SCAF8: variants seen among roughly 807,000 people sequenced by gnomAD.
SCAF8 encodes the protein SR-related CTD associated factor 8.
Under a neutral mutation model 140.5 loss-of-function variants are expected in SCAF8, and 23 were observed. The observed-to-expected ratio is 0.16, with a 90% CI of 0.12 to 0.23. The LOEUF (loss-of-function observed/expected upper bound fraction) is 0.23. Among genes scored for constraint, SCAF8 ranks in the 10% least tolerant of loss-of-function variants. SCAF8 has a pLI of 1.00. For missense variants in SCAF8, 1,397 were observed against 1,555.7 expected, an observed-to-expected ratio of 0.90 and a Z score of 1.72; for synonymous variants, 575 against 528.9, an observed-to-expected ratio of 1.09 and a Z score of -1.20.
chr6:154,826,192 A>G (rs1778562790), intron 17 of SCAF8, among the ~76,000 whole-genome samples: 1 of 152,110 alleles, frequency 6.6e-6, no homozygotes, highest in Non-Finnish European at 1.5e-5. Flanking sequence ...TAAATATTGA[A>G]AAGTTTAATT....
intron 4 of SCAF8, among the ~76,000 whole-genome samples, chr6:154,788,809 A>G (rs1777327540): frequency 6.6e-6 from 1 of 152,226 alleles, no homozygotes; most frequent in Non-Finnish European, 1.5e-5. Context: ...ATGAGCGAGC[A>G]TAAAAAGGAG....
intron 3 of SCAF8, among the ~76,000 whole-genome samples, chr6:154,778,620 C>G (rs921729250): frequency 1.3e-5 from 2 of 152,004 alleles, no homozygotes; most frequent in Non-Finnish European, 2.9e-5. Flanking sequence ...CAAAAATTAG[C>G]TGACCTGGTA....
At chr6:154,760,948 T>A (rs527891651) in intron 1 of SCAF8, among the ~76,000 whole-genome samples, 2 of 152,036 alleles carry the variant, frequency 1.3e-5, no homozygotes, top group South Asian at 4.2e-4. Context: ...CATGTCCCAT[T>A]GATTTTTTTC....
At position 154,734,218 on chromosome 6, in the gene SCAF8, C is replaced by T. The variant is rs1035199946; in HGVS notation, c.30+288C>T. 2.6e-5 allele frequency among the ~76,000 whole-genome samples: 4 copies of T among 152,156 alleles called. No homozygotes were observed. In the South Asian group the frequency reaches 6.2e-4, roughly 24 times the overall value. On this transcript the variant is annotated intron_variant, in intron 1 of 19. Coordinates refer to ENST00000367178, the MANE Select transcript of SCAF8 (RefSeq NM_014892.5). ...GGGAAAGACCCGGTTGGGCCCTCAC[C>T]CGGAGACTCCCGACAGGTCCCTCGA...
chr6:154,804,701 C>CT (rs1491123695), intron 8 of SCAF8, among the ~76,000 whole-genome samples: 1 of 152,124 alleles, frequency 6.6e-6, no homozygotes, highest in Non-Finnish European at 1.5e-5. Flanking sequence ...ATGAAGTACA[C>CT]TTTTTTCCAA....
chr6:154,784,120 G>GATAGATAT (rs1554260629), intron 3 of SCAF8, among the ~76,000 whole-genome samples: 2 of 106,830 alleles, frequency 1.9e-5, no homozygotes, highest in African/African-American at 6.4e-5. Context: ...GGTGTCTTGA[G>GATAGATAT]ATATATATAT....
At chr6:154,748,372 T>C (rs534260914) in intron 1 of SCAF8, among the ~76,000 whole-genome samples, 5 of 152,312 alleles carry the variant, frequency 3.3e-5, no homozygotes, top group African/African-American at 9.6e-5. Context: ...CTTATGTGGT[T>C]TTCTTAAAAT....
intron 13 of SCAF8, among the ~76,000 whole-genome samples, chr6:154,817,106 C>T (rs941218809): frequency 1.3e-5 from 2 of 151,428 alleles, no homozygotes; most frequent in African/African-American, 4.9e-5. Flanking sequence ...AAGTTTCTTT[C>T]TGATTTACCC....
At chr6:154,824,482 C>T (rs573560432) in intron 17 of SCAF8, 104 bp downstream of exon 17, 35 of 1,024,954 alleles carry the variant, frequency 3.4e-5, no homozygotes, top group Middle Eastern at 2.2e-4. Flanking sequence ...GAGACCTTAG[C>T]ATGCATAGCC....
intron 4 of SCAF8, among the ~76,000 whole-genome samples, chr6:154,791,629 A>G (rs1777421904): frequency 7.8e-6 from 1 of 128,376 alleles, no homozygotes; most frequent in African/African-American, 2.9e-5. Flanking sequence ...TGAGGATGCT[A>G]AAGTTTTTTT....
intron 1 of SCAF8, among the ~76,000 whole-genome samples, chr6:154,759,493 C>T (rs990331670): frequency 1.3e-5 from 2 of 151,998 alleles, no homozygotes; most frequent in Admixed American, 6.6e-5. Flanking sequence ...GCATATCCTG[C>T]TTAATAATAC....
At chr6:154,831,172 G>T in intron 19 of SCAF8, 32 bp downstream of exon 19, 4 of 1,366,750 alleles carry the variant, frequency 2.9e-6, no homozygotes, top group Non-Finnish European at 4.0e-6. Context: ...TAAAAAAAGA[G>T]GTTGCCTCTC....
At chr6:154,777,935 T>A (rs1776963837) in intron 2 of SCAF8, 66 bp from the exon 3 acceptor site, 1 of 967,706 alleles carries the variant, frequency 1.0e-6, no homozygotes, top group Admixed American at 2.0e-5. Context: ...AAACCTATGG[T>A]TAGCAGGAAA....
chr6:154,801,965 C>T lies in SCAF8; in HGVS notation c.607-6C>T. 1 of 1,558,010 alleles carries T rather than the reference C, an allele frequency of 6.4e-7. No individual in the cohort carries two copies. ...TGTTTTGTAATATATATTTTTTTCT[C>T]TCCAGCTTCAACAATTAATACAAAC... is the stretch of plus-strand genomic sequence containing the variant. On this transcript the variant is annotated splice_polypyrimidine_tract_variant and splice_region_variant and intron_variant, in intron 6 of 19. Coordinates refer to ENST00000367178, the MANE Select transcript of SCAF8 (RefSeq NM_014892.5).
intron 1 of SCAF8, among the ~76,000 whole-genome samples, chr6:154,767,980 T>C (rs1226625593): frequency 6.6e-6 from 1 of 152,186 alleles, no homozygotes; most frequent in African/African-American, 2.4e-5. Context: ...CCTTTTTCTC[T>C]AATCATATTA....
At position 154,832,918 on chromosome 6, in the gene SCAF8, A is replaced by T; in HGVS notation, c.3339A>T (p.Pro1113=). The T allele has an allele frequency of 6.2e-7, 1 of 1,614,146 alleles. No homozygotes were observed. The highest frequency in any genetic ancestry group is 8.5e-7 in the Non-Finnish European group (1 of 1,180,006). ...EHRVLPVYGG[P]KGLHEERGRF... is the part of the protein sequence containing the mutation. ...GGGTTCTACCGGTCTATGGTGGTCCAAAAGGCTTACATGAAGAAAGAGGTA... is the reference window on the plus strand; with the variant it reads ...GGGTTCTACCGGTCTATGGTGGTCCTAAAGGCTTACATGAAGAAAGAGGTA... The change falls in exon 20 of 20, where the codon CCA becomes CCT. Residue 1113 remains proline (P), a synonymous_variant. Transcript: ENST00000367178.
intron 12 of SCAF8, among the ~76,000 whole-genome samples, chr6:154,814,318 GAAAC>G (rs1367969490): frequency 2.0e-5 from 3 of 152,322 alleles, no homozygotes; most frequent in Middle Eastern, 3.4e-3. Context: ...ACCTGTCTCA[GAAAC>G]AAACAAACGA....
intron 6 of SCAF8, among the ~76,000 whole-genome samples, chr6:154,797,358 C>G (rs1265713975): frequency 6.6e-6 from 1 of 151,268 alleles, no homozygotes; most frequent in East Asian, 1.9e-4. Flanking sequence ...CCTTTTTGAT[C>G]CATCATTTTA....
intron 3 of SCAF8, among the ~76,000 whole-genome samples, chr6:154,780,327 T>G (rs982130261): frequency 2.0e-5 from 3 of 152,216 alleles, no homozygotes; most frequent in Middle Eastern, 3.4e-3. Flanking sequence ...TCTAACCAAG[T>G]TGTTGCATGT....
Sources: allele counts gnomAD v4.1 joint callset (sites outside exome capture counted in the v4.1 genomes callset), GRCh38; gene constraint gnomAD v4.1.1; transcripts MANE v1.5; gene names NCBI Gene and HGNC (gene_info 2026-07-23, HGNC 2026-07-21).